The following MAPK10 variants were observed in gnomAD, a reference collection of about 807,000 sequenced individuals.
MAPK10 encodes JNK3 alpha protein kinase.
MAPK10 carries 25 observed loss-of-function variants against 59.3 expected under a neutral mutation model. The ratio of observed to expected loss-of-function variants is 0.42; its 90% CI spans 0.31 to 0.59. The LOEUF is 0.59. Ranked by LOEUF, MAPK10 falls within the 20% of genes least tolerant of loss-of-function variation. The pLI, the probability that MAPK10 is intolerant of heterozygous loss-of-function variation, is 0.15. For missense variants in MAPK10, 351 were observed against 568.9 expected (o/e 0.62, Z 3.90); for synonymous variants, 190 against 200.5 (o/e 0.95, Z 0.44).
rs537379625 is a variant in MAPK10 at position 86,474,018 on chromosome 4, C to T, written c.-262-119374G>A. On this transcript the variant is annotated intron_variant, in intron 1 of 4. Transcript: ENST00000502302. The stretch of plus-strand genomic sequence containing the variant: ...AAAAAGAATTATTAACAACTTCGTC[C>T]CACATACATTTCCACGCATATATAT... Among the ~76,000 whole-genome samples the T allele has an allele frequency of 5.3e-5, 8 of 152,228 alleles. No homozygotes were observed. In the East Asian group the frequency reaches 1.5e-3, roughly 29 times the overall value.
At chr4:86,042,133 G>C (rs1028934803) in intron 11 of MAPK10, among the ~76,000 whole-genome samples, 5 of 152,294 alleles carry the variant, frequency 3.3e-5, no homozygotes, top group African/African-American at 9.6e-5. Flanking sequence ...ATACTATGCA[G>C]CAATAAAAAA....
At chr4:86,286,072 C>T (rs150774594) in intron 2 of MAPK10, among the ~76,000 whole-genome samples, 6 of 152,326 alleles carry the variant, frequency 3.9e-5, no homozygotes, top group South Asian at 2.1e-4. Context: ...CAGACATACT[C>T]AGAAATAGCA....
At chr4:86,549,173 T>C (rs1759557006) in intron 1 of MAPK10, among the ~76,000 whole-genome samples, 1 of 152,198 alleles carries the variant, frequency 6.6e-6, no homozygotes, top group Non-Finnish European at 1.5e-5. Context: ...ATCATCGTGA[T>C]AGAAATTATC....
At chr4:86,441,273 AT>A (rs960530466) in intron 1 of MAPK10, among the ~76,000 whole-genome samples, 1 of 152,142 alleles carries the variant, frequency 6.6e-6, no homozygotes, top group African/African-American at 2.4e-5. Context: ...GTCATAGAGA[AT>A]TTTTTACCTA....
At chr4:86,280,355 T>C (rs1489365309) in intron 2 of MAPK10, among the ~76,000 whole-genome samples, 1 of 152,056 alleles carries the variant, frequency 6.6e-6, no homozygotes, top group Non-Finnish European at 1.5e-5. Context: ...AAAAAAATGC[T>C]CCACATCACT....
chr4:86,105,829 T>C (rs1046322735), intron 5 of MAPK10, among the ~76,000 whole-genome samples: 1 of 152,154 alleles, frequency 6.6e-6, no homozygotes, highest in African/African-American at 2.4e-5. Flanking sequence ...TCATAAAATT[T>C]CAATTTCTTG....
intron 11 of MAPK10, among the ~76,000 whole-genome samples, chr4:86,041,752 A>T (rs2041572409): frequency 2.0e-5 from 3 of 152,222 alleles, no homozygotes; most frequent in African/African-American, 7.2e-5. Context: ...GAGAAGTGCA[A>T]ATCAAAACCA....
chr4:86,576,101 C>T (rs1357642470), intron 1 of MAPK10, among the ~76,000 whole-genome samples: 1 of 151,840 alleles, frequency 6.6e-6, no homozygotes, highest in Non-Finnish European at 1.5e-5. Flanking sequence ...AAGTGATCTT[C>T]TCACCTCAGC....
chr4:86,090,119 G>A (rs2149047867), intron 9 of MAPK10, among the ~76,000 whole-genome samples: 1 of 152,030 alleles, frequency 6.6e-6, no homozygotes, highest in South Asian at 2.1e-4. Flanking sequence ...AATGGGGAAG[G>A]GTGAAGCAAG....
intron 9 of MAPK10, among the ~76,000 whole-genome samples, chr4:86,079,173 C>T (rs2050133325): frequency 1.3e-5 from 2 of 151,940 alleles, no homozygotes; most frequent in Non-Finnish European, 1.5e-5. Flanking sequence ...GAATTATAAG[C>T]CAAAACACAT....
intron 2 of MAPK10, among the ~76,000 whole-genome samples, chr4:86,323,549 G>A (rs1453123673): frequency 1.3e-5 from 2 of 152,118 alleles, no homozygotes; most frequent in African/African-American, 4.8e-5. Context: ...GAGTCTATCA[G>A]ATTCAAAATC....
At chr4:86,593,125 G>A (rs1763206742) in intron 1 of MAPK10, among the ~76,000 whole-genome samples, 1 of 152,112 alleles carries the variant, frequency 6.6e-6, no homozygotes, top group Non-Finnish European at 1.5e-5. Flanking sequence ...TCAAGTGCTC[G>A]CCAAAGATAA....
chr4:86,359,278 CTCTCTCTCTCTGTG>C (rs1264959689), intron 1 of MAPK10, among the ~76,000 whole-genome samples: 1 of 137,070 alleles, frequency 7.3e-6, no homozygotes, highest in East Asian at 2.1e-4. Flanking sequence ...CTCTCTCTCT[CTCTCTCTCTCTGTG>C]TGTGTGTGTG....
At chr4:86,451,099 T>C (rs1243304754) in intron 1 of MAPK10, among the ~76,000 whole-genome samples, 1 of 152,106 alleles carries the variant, frequency 6.6e-6, no homozygotes, top group East Asian at 1.9e-4. Flanking sequence ...TTAAAGGAAC[T>C]TCCCCCACTG....
At chr4:86,150,568 T>C (rs568843237) in intron 4 of MAPK10, among the ~76,000 whole-genome samples, 3 of 152,260 alleles carry the variant, frequency 2.0e-5, no homozygotes, top group East Asian at 1.9e-4. Context: ...TGTGATAGAA[T>C]TGGAACTGCT....
chr4:86,337,445 AAGTATAT>A (rs1564508365), intron 2 of MAPK10, among the ~76,000 whole-genome samples: 1 of 152,196 alleles, frequency 6.6e-6, no homozygotes, highest in African/African-American at 2.4e-5. Context: ...GTCCAGAAGA[AAGTATAT>A]AGTAAGTCTC....
At chr4:86,444,331 T>C (rs1347010837) in intron 1 of MAPK10, among the ~76,000 whole-genome samples, 3 of 152,044 alleles carry the variant, frequency 2.0e-5, no homozygotes, top group Non-Finnish European at 4.4e-5. Flanking sequence ...GCCAGAGGGA[T>C]TTAATAAATA....
At chr4:86,103,132 C>A in intron 6 of MAPK10, 54 bp downstream of exon 6, 2 of 970,084 alleles carry the variant, frequency 2.1e-6, no homozygotes, top group Non-Finnish European at 3.1e-6. Context: ...GTGATTTTCC[C>A]TTGGGCTATC....
intron 4 of MAPK10, chr4:86,120,263 C>CCAA (rs1434459640): frequency 1.9e-4 from 29 of 152,324 alleles, no homozygotes; most frequent in African/African-American, 6.7e-4. Context: ...TTCAAAACCA[C>CCAA]TTTGTGCTTG....
Sources: allele counts gnomAD v4.1 joint callset (sites outside exome capture counted in the v4.1 genomes callset), GRCh38; gene constraint gnomAD v4.1.1; transcripts MANE v1.5; gene names NCBI Gene and HGNC (gene_info 2026-07-23, HGNC 2026-07-21).